The following SPIDR variants were observed in gnomAD, a reference collection of about 807,000 sequenced individuals.
SPIDR encodes the protein scaffold protein involved in DNA repair.
Under a neutral mutation model 104.6 loss-of-function variants are expected in SPIDR, and 93 were observed. That is an observed-to-expected ratio of 0.89 (90% CI 0.75 to 1.06). The LOEUF is 1.06. Among genes scored for constraint, SPIDR ranks in the 50% least tolerant of loss-of-function variants. The probability of loss-of-function intolerance (pLI) is 0.00; values close to 1 mark genes in which losing one functional copy is unlikely to be tolerated. For missense variants in SPIDR, 1,154 were observed against 1,111.2 expected, an observed-to-expected ratio of 1.04 and a Z score of -0.55; for synonymous variants, 431 against 416.9, an observed-to-expected ratio of 1.03 and a Z score of -0.41.
intron 5 of SPIDR, among the ~76,000 whole-genome samples, chr8:47,385,471 G>A (rs2059777096): frequency 1.3e-5 from 2 of 152,190 alleles, no homozygotes; most frequent in Non-Finnish European, 2.9e-5. Flanking sequence ...TATGAGTCTG[G>A]ACAGTTGAAT....
intron 8 of SPIDR, among the ~76,000 whole-genome samples, chr8:47,507,780 C>T (rs2081709141): frequency 6.6e-6 from 1 of 152,162 alleles, no homozygotes; most frequent in African/African-American, 2.4e-5. Flanking sequence ...GTTCATTCTC[C>T]ACTAGGAGCC....
chr8:47,636,845 AT>A (rs1317321249), intron 10 of SPIDR, among the ~76,000 whole-genome samples: 1 of 151,982 alleles, frequency 6.6e-6, no homozygotes, highest in Non-Finnish European at 1.5e-5. Context: ...ATTGTCTAAA[AT>A]TGCAGCTATT....
chr8:47,641,065 C>G (rs187111887), intron 10 of SPIDR, among the ~76,000 whole-genome samples: 38 of 151,422 alleles, frequency 2.5e-4, no homozygotes, highest in African/African-American at 8.5e-4. Context: ...AAAGGGTATG[C>G]ATATTTGAGG....
intron 19 of SPIDR, among the ~76,000 whole-genome samples, chr8:47,733,609 C>T (rs1373350243): frequency 6.6e-6 from 1 of 152,004 alleles, no homozygotes; most frequent in Non-Finnish European, 1.5e-5. Flanking sequence ...CGCCTCCACC[C>T]TCCCTCCCCG....
chr8:47,427,142 G>T (rs1554685582), intron 7 of SPIDR, among the ~76,000 whole-genome samples: 1 of 151,554 alleles, frequency 6.6e-6, no homozygotes, highest in Non-Finnish European at 1.5e-5. Context: ...AAATACTCAG[G>T]ATAACACTCC....
intron 5 of SPIDR, among the ~76,000 whole-genome samples, chr8:47,299,435 C>G (rs1252853603): frequency 3.9e-5 from 6 of 152,140 alleles, no homozygotes; most frequent in Non-Finnish European, 8.8e-5. Context: ...AATTGAATAC[C>G]CTTTATTTCC....
At chr8:47,596,490 T>C (rs1384878108) in intron 9 of SPIDR, among the ~76,000 whole-genome samples, 2 of 152,038 alleles carry the variant, frequency 1.3e-5, no homozygotes, top group African/African-American at 4.8e-5. Context: ...AAAAATACAG[T>C]CCAAAAGATA....
rs2085489484 is a variant in SPIDR at position 47,732,856 on chromosome 8, G to T, written c.2605-2451G>T. 2.0e-5 allele frequency among the ~76,000 whole-genome samples: 3 copies of T among 152,330 alleles called. No individual in the cohort carries two copies. The South Asian group carries it at 6.2e-4, about 32-fold the overall frequency. ...ACTGTAATGTGGTCAAGCTGCAGAT[G>T]TGAAAACAGTAGGATTGTCTGTAGT... On this transcript the variant is annotated intron_variant, in intron 19 of 19. Coordinates refer to ENST00000297423, the MANE Select transcript of SPIDR (RefSeq NM_001080394.4).
At position 47,418,381 on chromosome 8, in the gene SPIDR, A is replaced by G. The variant is rs181985115; in HGVS notation, c.877+10420A>G. ...TTCCTAGGTATTTTATTCTCTTTGA[A>G]GCAATTGTGTATGGGAATTCACTCA... On this transcript the variant is annotated intron_variant, in intron 7 of 19. Transcript: ENST00000297423. Among the ~76,000 whole-genome samples the G allele has an allele frequency of 1.4e-4, 22 of 152,218 alleles. No homozygotes were observed. The East Asian group carries it at 4.2e-3, about 29-fold the overall frequency.
chr8:47,381,286 A>G (rs1301951804), intron 5 of SPIDR, among the ~76,000 whole-genome samples: 1 of 152,220 alleles, frequency 6.6e-6, no homozygotes, highest in African/African-American at 2.4e-5. Context: ...ACGCAGGCAT[A>G]TGATAACCAA....
chr8:47,596,755 C>T (rs1419216060), intron 9 of SPIDR, among the ~76,000 whole-genome samples: 5 of 152,082 alleles, frequency 3.3e-5, no homozygotes, highest in Non-Finnish European at 7.4e-5. Context: ...TCTTTTATAG[C>T]AACACTTAGC....
chr8:47,271,516 A>G (rs1053508394), intron 1 of SPIDR, among the ~76,000 whole-genome samples: 1 of 151,824 alleles, frequency 6.6e-6, no homozygotes, highest in Non-Finnish European at 1.5e-5. Context: ...TGCATTCTTC[A>G]TTTCAGTTAC....
intron 10 of SPIDR, among the ~76,000 whole-genome samples, chr8:47,619,158 A>G (rs761414110): frequency 5.9e-5 from 9 of 152,216 alleles, no homozygotes; most frequent in South Asian, 4.1e-4. Flanking sequence ...AAGATTTGTT[A>G]ATGATTAAGT....
intron 8 of SPIDR, among the ~76,000 whole-genome samples, chr8:47,580,332 C>T (rs949830229): frequency 1.5e-4 from 23 of 152,192 alleles, no homozygotes; most frequent in African/African-American, 5.5e-4. Flanking sequence ...ACAGTAGTGA[C>T]AGCAGCAGTG....
chr8:47,438,869 G>T (rs1467645598), intron 7 of SPIDR, among the ~76,000 whole-genome samples: 23 of 151,456 alleles, frequency 1.5e-4, no homozygotes, highest in African/African-American at 5.6e-4. Context: ...AATGGGAAAT[G>T]AATGAAAAAA....
Position 47,343,325 on chromosome 8 carries a change from A to T in SPIDR, c.525+49295A>T, listed in dbSNP as rs376521951. ...AGACTCGAGTCTCTTCTTTAGGTTA[A>T]TATTTCTCATTCCCAGTACCTAGCA... On this transcript the variant is annotated intron_variant, in intron 5 of 19. Transcript: ENST00000297423. 3.9e-5 allele frequency among the ~76,000 whole-genome samples: 6 copies of T among 152,214 alleles called. No homozygotes were observed. The East Asian group carries it at 9.7e-4, about 24-fold the overall frequency.
intron 6 of SPIDR, among the ~76,000 whole-genome samples, chr8:47,400,135 A>G (rs1265584808): frequency 1.3e-5 from 2 of 152,206 alleles, no homozygotes; most frequent in African/African-American, 4.8e-5. Flanking sequence ...GGAGGCTACC[A>G]GATGGTCTTG....
intron 3 of SPIDR, among the ~76,000 whole-genome samples, chr8:47,285,702 T>G (rs1394635743): frequency 6.6e-6 from 1 of 152,176 alleles, no homozygotes; most frequent in African/African-American, 2.4e-5. Flanking sequence ...AGGATTTCAG[T>G]CATCTTGGAT....
At chr8:47,608,661 G>T (rs1207004633) in intron 10 of SPIDR, among the ~76,000 whole-genome samples, 1 of 152,200 alleles carries the variant, frequency 6.6e-6, no homozygotes, top group Non-Finnish European at 1.5e-5. Context: ...TCTGAAGTGG[G>T]TATCTCATTG....
Sources: gnomAD v4.1 joint callset for allele counts (sites outside exome capture counted in the v4.1 genomes callset) on GRCh38, gnomAD v4.1.1 for gene constraint, MANE v1.5 for transcripts, NCBI Gene and HGNC (gene_info 2026-07-23, HGNC 2026-07-21) for gene names.